RBFOX1: variants seen among roughly 807,000 people sequenced by gnomAD.
The protein encoded by RBFOX1 is RNA binding fox-1 homolog 1.
In RBFOX1, 8 loss-of-function variants were observed where a neutral mutation model predicts 57.7. The ratio of observed to expected loss-of-function variants is 0.14; its 90% CI spans 0.08 to 0.25. The LOEUF (loss-of-function observed/expected upper bound fraction) is 0.25. Among genes scored for constraint, RBFOX1 ranks in the 10% least tolerant of loss-of-function variants. The pLI, the probability that RBFOX1 is intolerant of heterozygous loss-of-function variation, is 1.00. For missense variants in RBFOX1, 611 were observed against 548.5 expected, an observed-to-expected ratio of 1.11 and a Z score of -1.14; for synonymous variants, 326 against 222.4, an observed-to-expected ratio of 1.47 and a Z score of -4.15.
chr16:6,770,348 G>A (rs1327687262), intron 3 of RBFOX1, among the ~76,000 whole-genome samples: 1 of 152,076 alleles, frequency 6.6e-6, no homozygotes, highest in African/African-American at 2.4e-5. Flanking sequence ...ACAGGGCAGG[G>A]GTTGGAAAAC....
At chr16:6,530,235 G>A (rs1490374766) in intron 2 of RBFOX1, among the ~76,000 whole-genome samples, 1 of 151,988 alleles carries the variant, frequency 6.6e-6, no homozygotes, top group African/African-American at 2.4e-5. Flanking sequence ...TGGAGTTTGG[G>A]GGCAGGAAGA....
At chr16:6,417,306 G>A (rs371442150) in intron 2 of RBFOX1, among the ~76,000 whole-genome samples, 11 of 152,050 alleles carry the variant, frequency 7.2e-5, no homozygotes, top group East Asian at 1.9e-4. Flanking sequence ...CACCATGCCC[G>A]GCTGAATTTT....
At chr16:6,434,540 G>T (rs557696775) in intron 2 of RBFOX1, among the ~76,000 whole-genome samples, 22 of 152,220 alleles carry the variant, frequency 1.4e-4, no homozygotes, top group Admixed American at 1.2e-3. Context: ...AATGCACGTC[G>T]CATAGTGCCT....
chr16:7,369,088 G>GA (rs1357072298), intron 4 of RBFOX1, among the ~76,000 whole-genome samples: 3 of 152,110 alleles, frequency 2.0e-5, no homozygotes, highest in Non-Finnish European at 2.9e-5. Flanking sequence ...GAGGAATACA[G>GA]AAAAGAAGGA....
chr16:6,148,353 A>T (rs528007616), intron 1 of RBFOX1, among the ~76,000 whole-genome samples: 2 of 152,254 alleles, frequency 1.3e-5, no homozygotes, highest in Admixed American at 6.5e-5. Context: ...CAAACTGCCA[A>T]TGTGCTGGTC....
intron 3 of RBFOX1, among the ~76,000 whole-genome samples, chr16:6,720,320 C>T (rs569664814): frequency 1.2e-3 from 190 of 152,164 alleles, no homozygotes; most frequent in Non-Finnish European, 1.8e-3. Context: ...ATGCCAGCTT[C>T]CCTTTTGCCT....
chr16:5,572,894 G>T (rs964680371), intron 2 of RBFOX1, among the ~76,000 whole-genome samples: 8 of 152,178 alleles, frequency 5.3e-5, no homozygotes, highest in African/African-American at 1.9e-4. Context: ...ACAGGTAATG[G>T]TGGGAGCCAG....
rs569896950 is a variant in RBFOX1, at chr16:6,542,431, A to G, written c.-63-112172A>G. Among the ~76,000 whole-genome samples the G allele has an allele frequency of 5.1e-4, 76 of 149,060 alleles. 2 individuals are homozygous for G. The South Asian group carries it at 0.015, about 30-fold the overall frequency. On this transcript the variant is annotated intron_variant, in intron 2 of 15. Coordinates refer to ENST00000550418, the MANE Select transcript of RBFOX1 (RefSeq NM_018723.4). ...TGAGCTCAACAACTGCAGCTAAGAA[A>G]GGTGTCTCAGTGGATAATCGCATGA...
chr16:5,392,206 A>C (rs1344465148), intron 1 of RBFOX1, among the ~76,000 whole-genome samples: 1 of 152,150 alleles, frequency 6.6e-6, no homozygotes, highest in Non-Finnish European at 1.5e-5. Context: ...TGATGGGTGC[A>C]CCAAAACCTC....
intron 2 of RBFOX1, among the ~76,000 whole-genome samples, chr16:6,383,176 A>C (rs1319453860): frequency 2.0e-5 from 3 of 152,220 alleles, no homozygotes; most frequent in Non-Finnish European, 4.4e-5. Flanking sequence ...TCTTCCAAGA[A>C]GATCTGGCTT....
chr16:6,678,946 G>T (rs530662189), intron 3 of RBFOX1, among the ~76,000 whole-genome samples: 52 of 152,274 alleles, frequency 3.4e-4, no homozygotes, highest in African/African-American at 1.2e-3. Context: ...GTGGCATTCA[G>T]TATAATTGAA....
At chr16:7,159,769 CA>C (rs2077906623) in intron 4 of RBFOX1, among the ~76,000 whole-genome samples, 1 of 152,202 alleles carries the variant, frequency 6.6e-6, no homozygotes, top group African/African-American at 2.4e-5. Flanking sequence ...TCCCTCCCAT[CA>C]AATAACTGGG....
chr16:6,447,856 C>T lies in RBFOX1; in HGVS notation c.-64+130799C>T, dbSNP rs1427423204. ...TAATTTAAGGAAGGGGAAAGACAGC[C>T]GTCCAATCGGAGTGAACCTGTGTGT... On this transcript the variant is annotated intron_variant, in intron 2 of 15. Transcript: ENST00000550418. Among the ~76,000 whole-genome samples the T allele has an allele frequency of 2.0e-5, 3 of 152,092 alleles. No individual in the cohort carries two copies. In the East Asian group the frequency reaches 5.8e-4, roughly 29 times the overall value.
At chr16:5,849,139 C>T (rs1340683093) in intron 3 of RBFOX1, among the ~76,000 whole-genome samples, 1 of 151,924 alleles carries the variant, frequency 6.6e-6, no homozygotes. Context: ...TCGTTGGGGT[C>T]AGAGATAAGG....
intron 4 of RBFOX1, among the ~76,000 whole-genome samples, chr16:7,111,127 C>T (rs1264610896): frequency 6.6e-6 from 1 of 152,172 alleles, no homozygotes; most frequent in Non-Finnish European, 1.5e-5. Context: ...CATTTTCCTA[C>T]AGATGTTGTT....
intron 5 of RBFOX1, among the ~76,000 whole-genome samples, chr16:7,561,685 C>T (rs1878755692): frequency 6.6e-6 from 1 of 152,160 alleles, no homozygotes; most frequent in Admixed American, 6.5e-5. Context: ...TTGTTTGAAG[C>T]ATTTATATTA....
intron 3 of RBFOX1, among the ~76,000 whole-genome samples, chr16:6,906,226 A>C (rs1236654876): frequency 2.1e-5 from 3 of 145,510 alleles, no homozygotes; most frequent in Admixed American, 1.3e-4. Context: ...GCAACCCCAA[A>C]AAGCAATTTA....
chr16:7,248,091 C>G (rs532845660), intron 4 of RBFOX1, among the ~76,000 whole-genome samples: 1 of 152,090 alleles, frequency 6.6e-6, no homozygotes, highest in Non-Finnish European at 1.5e-5. Context: ...GAAGAATAAC[C>G]GCTGATTTTA....
At chr16:6,692,236 TC>T (rs1471604420) in intron 3 of RBFOX1, among the ~76,000 whole-genome samples, 1 of 152,144 alleles carries the variant, frequency 6.6e-6, no homozygotes, top group Non-Finnish European at 1.5e-5. Context: ...CTCAGTGACC[TC>T]CCTGTAAGAT....
Sources: gnomAD v4.1 joint callset for allele counts (sites outside exome capture counted in the v4.1 genomes callset) on GRCh38, gnomAD v4.1.1 for gene constraint, MANE v1.5 for transcripts, NCBI Gene and HGNC (gene_info 2026-07-23, HGNC 2026-07-21) for gene names.